NR6A1: variants seen among roughly 807,000 people sequenced by gnomAD.
NR6A1 encodes the protein nuclear receptor subfamily 6 group A member 1.
A neutral mutation model predicts 59.1 loss-of-function variants in NR6A1; 7 were observed. The ratio of observed to expected loss-of-function variants is 0.12; its 90% CI spans 0.07 to 0.22. The LOEUF (loss-of-function observed/expected upper bound fraction) is 0.22, where lower values mean the gene tolerates loss of function less well. Ranked by LOEUF, NR6A1 falls within the 10% of genes least tolerant of loss-of-function variation. The pLI, the probability that NR6A1 is intolerant of heterozygous loss-of-function variation, is 1.00. For missense variants in NR6A1, 468 were observed against 611.6 expected, an observed-to-expected ratio of 0.77 and a Z score of 2.48; for synonymous variants, 243 against 236.1, an observed-to-expected ratio of 1.03 and a Z score of -0.27.
intron 2 of NR6A1, among the ~76,000 whole-genome samples, chr9:124,621,800 T>G (rs1392213084): frequency 6.6e-6 from 1 of 152,148 alleles, no homozygotes; most frequent in Non-Finnish European, 1.5e-5. Context: ...TGACAAGAGA[T>G]AAAACCTAAA....
At chr9:124,668,006 A>G (rs1458871251) in intron 2 of NR6A1, among the ~76,000 whole-genome samples, 1 of 152,170 alleles carries the variant, frequency 6.6e-6, no homozygotes, top group Admixed American at 6.5e-5. Context: ...ACAAGGGGTT[A>G]GGGGGACCAA....
chr9:124,655,128 C>A (rs1837221246), intron 2 of NR6A1, among the ~76,000 whole-genome samples: 1 of 152,156 alleles, frequency 6.6e-6, no homozygotes, highest in Non-Finnish European at 1.5e-5. Context: ...AGCATCCATT[C>A]ATGAGCCATA....
chr9:124,742,390 C>T (rs529890675), intron 1 of NR6A1, among the ~76,000 whole-genome samples: 3 of 151,816 alleles, frequency 2.0e-5, no homozygotes, highest in African/African-American at 4.8e-5. Context: ...GGAGAAACCC[C>T]GTCTCTACTA....
intron 2 of NR6A1, among the ~76,000 whole-genome samples, chr9:124,630,472 G>C (rs372897659): frequency 1.3e-5 from 2 of 150,950 alleles, no homozygotes; most frequent in Non-Finnish European, 2.9e-5. Flanking sequence ...CCTGACCTCA[G>C]GTGATCCGCC....
chr9:124,733,249 A>C (rs1397121313), intron 2 of NR6A1, 59 bp downstream of exon 2: 3 of 1,241,106 alleles, frequency 2.4e-6, no homozygotes, highest in Non-Finnish European at 3.6e-6. Flanking sequence ...TATTCACTTA[A>C]AAGTGTACAC....
intron 2 of NR6A1, among the ~76,000 whole-genome samples, chr9:124,680,696 A>G (rs1322696640): frequency 6.6e-6 from 1 of 152,156 alleles, no homozygotes; most frequent in East Asian, 1.9e-4. Flanking sequence ...GGACTACGAG[A>G]GTTTCCCACC....
chr9:124,690,161 C>G (rs1048407293), intron 2 of NR6A1, among the ~76,000 whole-genome samples: 1 of 152,144 alleles, frequency 6.6e-6, no homozygotes. Context: ...TGGGAAACAC[C>G]TAGGCAGACG....
At chr9:124,594,164 C>CTG (rs1835207302) in intron 2 of NR6A1, among the ~76,000 whole-genome samples, 1 of 152,152 alleles carries the variant, frequency 6.6e-6, no homozygotes, top group Non-Finnish European at 1.5e-5. Flanking sequence ...CCTCCTACAA[C>CTG]TGGGATCATT....
chr9:124,665,811 T>C (rs962042923), intron 2 of NR6A1, among the ~76,000 whole-genome samples: 6 of 152,186 alleles, frequency 3.9e-5, no homozygotes, highest in African/African-American at 7.2e-5. Flanking sequence ...AGAGTCACTA[T>C]TGGGTTTCTG....
chr9:124,765,916 A>G (rs1340281951), intron 1 of NR6A1, among the ~76,000 whole-genome samples: 1 of 152,214 alleles, frequency 6.6e-6, no homozygotes, highest in Admixed American at 6.5e-5. Context: ...AACAGGTTAG[A>G]CATCTCACAG....
In NR6A1 at chr9:124,538,259, C is replaced by G. The variant is rs771563941; in HGVS notation, c.657G>C (p.Val219=). ...GCGGTATATATTGGTAATGTGGAGG[C>G]ACAGACATTCCCATGTACTGTTCCC... The part of the protein sequence containing the change: ...AFREQYMGMS[V]PPHYQYIPHL... The change falls in exon 6 of 10, where the codon GTG becomes GTC. Residue 219 remains valine (V), a synonymous_variant. Coordinates refer to ENST00000487099, the MANE Select transcript of NR6A1 (RefSeq NM_033334.4). 4 of 1,614,184 alleles carry G rather than the reference C, an allele frequency of 2.5e-6. No homozygotes were observed. The South Asian group carries it at 4.4e-5, about 18-fold the overall frequency.
At chr9:124,683,550 T>C (rs2130999810) in intron 2 of NR6A1, among the ~76,000 whole-genome samples, 1 of 152,358 alleles carries the variant, frequency 6.6e-6, no homozygotes, top group Admixed American at 6.5e-5. Flanking sequence ...TCCCAGCACT[T>C]TGGGAGGCCA....
intron 2 of NR6A1, among the ~76,000 whole-genome samples, chr9:124,624,542 T>C (rs772827161): frequency 2.0e-5 from 3 of 152,236 alleles, no homozygotes; most frequent in South Asian, 2.1e-4. Context: ...AGCCTGAGAA[T>C]GTGCAGAGAC....
chr9:124,586,220 T>A (rs971833441), intron 2 of NR6A1, among the ~76,000 whole-genome samples: 1 of 152,186 alleles, frequency 6.6e-6, no homozygotes, highest in Non-Finnish European at 1.5e-5. Context: ...GAAAACCTTC[T>A]GGAAAGGATT....
At chr9:124,685,337 T>C (rs971542429) in intron 2 of NR6A1, among the ~76,000 whole-genome samples, 2 of 152,118 alleles carry the variant, frequency 1.3e-5, no homozygotes, top group Non-Finnish European at 2.9e-5. Flanking sequence ...CTGGGAGGAG[T>C]TGGGGGAGAC....
At chr9:124,595,889 G>T (rs140117437) in intron 2 of NR6A1, 1 of 1,105,264 alleles carries the variant, frequency 9.0e-7, no homozygotes, top group African/African-American at 1.6e-5. Flanking sequence ...CCGGGACTAC[G>T]ACAGTCATCC....
intron 2 of NR6A1, among the ~76,000 whole-genome samples, chr9:124,655,140 C>G (rs1238325929): frequency 6.6e-6 from 1 of 152,148 alleles, no homozygotes; most frequent in Non-Finnish European, 1.5e-5. Context: ...TGAGCCATAT[C>G]AGAAGGGTAT....
intron 2 of NR6A1, among the ~76,000 whole-genome samples, chr9:124,729,090 A>C (rs1408025432): frequency 6.6e-6 from 1 of 152,216 alleles, no homozygotes; most frequent in Non-Finnish European, 1.5e-5. Context: ...AACCTAGATA[A>C]GTCTAGATTA....
intron 2 of NR6A1, among the ~76,000 whole-genome samples, chr9:124,618,209 C>T (rs1191426151): frequency 1.3e-5 from 2 of 152,084 alleles, no homozygotes; most frequent in East Asian, 1.9e-4. Flanking sequence ...TGGCCAGGTA[C>T]GGTGGCTCAC....
Sources: allele counts gnomAD v4.1 joint callset (sites outside exome capture counted in the v4.1 genomes callset), GRCh38; gene constraint gnomAD v4.1.1; transcripts MANE v1.5; gene names NCBI Gene and HGNC (gene_info 2026-07-23, HGNC 2026-07-21).